The following DNAJA3 variants were observed in gnomAD, a reference collection of about 807,000 sequenced individuals.
The protein encoded by DNAJA3 is dnaJ homolog subfamily A member 3, mitochondrial.
DNAJA3 carries 29 observed loss-of-function variants against 54.9 expected under a neutral mutation model. The ratio of observed to expected loss-of-function variants is 0.53; its 90% CI spans 0.39 to 0.72. DNAJA3 has a LOEUF of 0.72. DNAJA3 is among the 30% of genes least tolerant of loss of function. DNAJA3 has a pLI of 0.00. For missense variants in DNAJA3, 708 were observed against 639.4 expected, an observed-to-expected ratio of 1.11 and a Z score of -1.16; for synonymous variants, 302 against 251.4, an observed-to-expected ratio of 1.20 and a Z score of -1.90.
rs143721729 is a variant in DNAJA3, at chr16:4,429,227, C to G, written c.211+3135C>G. On this transcript the variant is annotated intron_variant, in intron 1 of 11. Coordinates refer to ENST00000262375, the MANE Select transcript of DNAJA3 (RefSeq NM_005147.6). ...TGTTTGTTTGAGACGGAGTCTTGCT[C>G]TGTAGCCAGGCTGGAGTGCAGTGGT... 5.0e-3 allele frequency among the ~76,000 whole-genome samples: 728 copies of G among 144,190 alleles called. 4 individuals are homozygous for G. Among genetic ancestry groups the G allele is most frequent in the Admixed American group, 0.011 (163 of 14,338 alleles). The allele number at this position is 144,190 out of a possible 152,430, so 94.6% of individuals were successfully genotyped here. A position where few individuals can be genotyped will look rare whatever the true frequency, so the allele number is the denominator to read the frequency against.
chr16:4,436,993 C>G (rs1038861829), intron 2 of DNAJA3, among the ~76,000 whole-genome samples: 4 of 152,070 alleles, frequency 2.6e-5, no homozygotes, highest in African/African-American at 4.8e-5. Flanking sequence ...GTGGGGCGGA[C>G]AGAATCTCAC....
At chr16:4,450,706 G>T (rs942005549) in intron 10 of DNAJA3, among the ~76,000 whole-genome samples, 1 of 152,196 alleles carries the variant, frequency 6.6e-6, no homozygotes, top group African/African-American at 2.4e-5. Context: ...CTCTGTGTGT[G>T]TTTCTGTGCT....
At chr16:4,450,109 G>C (rs765652197) in intron 9 of DNAJA3, 1 of 330,582 alleles carries the variant, frequency 3.0e-6, no homozygotes, top group Non-Finnish European at 5.5e-6. Flanking sequence ...TTTCTTACTT[G>C]CTTCACATAC....
rs149535474 is a variant in DNAJA3, at chr16:4,448,457, C to T, written c.1126-276C>T. Among the ~76,000 whole-genome samples the T allele has an allele frequency of 8.0e-3, 1,219 of 152,240 alleles. 20 individuals are homozygous for T. Among genetic ancestry groups the T allele is most frequent in the African/African-American group, 0.028 (1,153 of 41,536 alleles). ...CTCCCGGGTTCAAGCAATTCTCCTA[C>T]CTCAGCCTCCTGAGTAGCTGAGATT... On this transcript the variant is annotated intron_variant, in intron 8 of 11. Coordinates refer to ENST00000262375, the MANE Select transcript of DNAJA3 (RefSeq NM_005147.6).
chr16:4,440,077 A>G (rs1034512995), intron 3 of DNAJA3, among the ~76,000 whole-genome samples: 1 of 151,944 alleles, frequency 6.6e-6, no homozygotes, highest in African/African-American at 2.4e-5. Flanking sequence ...AGCTGGAACT[A>G]TAGGCGTGCA....
intron 11 of DNAJA3, 70 bp from the exon 12 acceptor site, chr16:4,455,474 CAG>C: frequency 6.6e-7 from 1 of 1,524,734 alleles, no homozygotes; most frequent in South Asian, 1.2e-5. Flanking sequence ...CAGGGATTAA[CAG>C]ACGCTCCCCA....
In DNAJA3 at chr16:4,443,149, A is replaced by G; in HGVS notation, c.916A>G (p.Ile306Val). 1 of 1,613,922 alleles carries G rather than the reference A, an allele frequency of 6.2e-7. No individual in the cohort carries two copies. The highest frequency in any genetic ancestry group is 2.2e-5 in the East Asian group (1 of 44,858). The change falls in exon 6 of 12, where the codon ATC becomes GTC. Residue 306 changes from isoleucine to valine, a missense_variant. Physicochemically the swap from Ile to Val is conservative, Grantham distance 29. Transcript: ENST00000262375. ...AGCCAAGCAGAAAAAGCGAGTGATGATCCCTGTGCCTGCAGGTGGGTGCTT... is the reference window on the plus strand; with the variant it reads ...AGCCAAGCAGAAAAAGCGAGTGATGGTCCCTGTGCCTGCAGGTGGGTGCTT... Reference protein sequence around the residue: ...GQAKQKKRVMIPVPAGVEDGQ... With the variant: ...GQAKQKKRVMVPVPAGVEDGQ...
At chr16:4,444,462 G>A (rs569774934) in intron 6 of DNAJA3, among the ~76,000 whole-genome samples, 1 of 151,240 alleles carries the variant, frequency 6.6e-6, no homozygotes, top group East Asian at 2.0e-4. Flanking sequence ...TCTTTCCTCA[G>A]CCTCCTGAGT....
chr16:4,450,860 A>T (rs1312951785), intron 10 of DNAJA3, among the ~76,000 whole-genome samples: 2 of 152,308 alleles, frequency 1.3e-5, no homozygotes, highest in African/African-American at 4.8e-5. Context: ...GCGTAAGGAG[A>T]GAGCATGGAT....
At position 4,446,993 on chromosome 16, in the gene DNAJA3, G is replaced by C. The variant is rs147345131; in HGVS notation, c.1104G>C (p.Leu368=). The change falls in exon 8 of 12, where the codon CTG becomes CTC. Residue 368 remains leucine (L), a synonymous_variant. Coordinates refer to ENST00000262375, the MANE Select transcript of DNAJA3 (RefSeq NM_005147.6). ...LLGGTARAQG[L]YETINVTIPP... Reference sequence around the variant, plus strand: ...GGGGTACAGCCAGAGCCCAGGGCCTGTACGAGACGATCAACGTGACGGTAA... The same window carrying C: ...GGGGTACAGCCAGAGCCCAGGGCCTCTACGAGACGATCAACGTGACGGTAA... 4.3e-6 allele frequency: 7 copies of C among 1,613,924 alleles called. No homozygotes were observed. The highest frequency in any genetic ancestry group is 5.1e-6 in the Non-Finnish European group (6 of 1,179,986).
chr16:4,445,991 A>G (rs1456661043), intron 7 of DNAJA3, among the ~76,000 whole-genome samples: 1 of 143,744 alleles, frequency 7.0e-6, no homozygotes, highest in Non-Finnish European at 1.5e-5. Flanking sequence ...GCATGATCTC[A>G]GCTCACTGCA....
At chr16:4,430,732 A>C (rs2056687673) in intron 1 of DNAJA3, 1 of 151,982 alleles carries the variant, frequency 6.6e-6, no homozygotes, top group Non-Finnish European at 1.5e-5. Context: ...TTAATCATTG[A>C]TGCCCTATGG....
intron 3 of DNAJA3, among the ~76,000 whole-genome samples, chr16:4,438,225 G>C (rs1334035273): frequency 6.6e-6 from 1 of 152,064 alleles, no homozygotes; most frequent in Admixed American, 6.6e-5. Context: ...GCTGAGGCAG[G>C]AGAATGGCGT....
intron 1 of DNAJA3, chr16:4,430,466 G>C (rs1404858960): frequency 6.6e-6 from 1 of 151,504 alleles, no homozygotes; most frequent in Non-Finnish European, 1.5e-5. Flanking sequence ...GGGAGGCTGA[G>C]ACAGGAGAAT....
chr16:4,455,251 C>T (rs1388388469), intron 11 of DNAJA3, among the ~76,000 whole-genome samples: 2 of 152,130 alleles, frequency 1.3e-5, no homozygotes, highest in African/African-American at 2.4e-5. Context: ...TCACAGAGGG[C>T]GAGTCAGGCA....
chr16:4,443,453 C>T (rs1194172277), intron 6 of DNAJA3, among the ~76,000 whole-genome samples: 1 of 152,130 alleles, frequency 6.6e-6, no homozygotes, highest in African/African-American at 2.4e-5. Flanking sequence ...GAGGGAGCAG[C>T]TTCCAACCCC....
chr16:4,437,739 T>A lies in DNAJA3; in HGVS notation c.429+254T>A, dbSNP rs1392789487. ...TTGACCTCAGGAGTTGGCTTGACCC[T>A]AGGAGTTTGAGACCAGCTTGGGCAA... is the stretch of plus-strand genomic sequence containing the variant. On this transcript the variant is annotated intron_variant, in intron 3 of 11. Transcript: ENST00000262375. The A allele has an allele frequency of 8.0e-6, 3 of 375,168 alleles. No homozygotes were observed. In the East Asian group the frequency reaches 1.3e-4, roughly 16 times the overall value. 23.2% of individuals were successfully genotyped at this position (375,168 alleles called of 1,614,324 possible).
intron 2 of DNAJA3, among the ~76,000 whole-genome samples, chr16:4,435,709 C>G (rs1596362214): frequency 6.6e-6 from 1 of 152,178 alleles, no homozygotes; most frequent in Non-Finnish European, 1.5e-5. Flanking sequence ...GGATTAATCA[C>G]ATTTTGTTTA....
rs1246565988 is a variant in DNAJA3 at position 4,441,565 on chromosome 16, A to C, written c.620A>C (p.Gln207Pro). Residue 207 changes from glutamine to proline, a missense_variant, in exon 4 of 12, where the codon CAG (glutamine) becomes CCG (proline). Physicochemically the swap from Gln to Pro is moderately conservative, Grantham distance 76. Coordinates refer to ENST00000262375, the MANE Select transcript of DNAJA3 (RefSeq NM_005147.6). ...GGAGATTTCCAGACCGTGTTTGATC[A>C]GCCTCAGGAAGTAAGTTCCTCACTT... Reference protein sequence around the residue: ...SFGDFQTVFDQPQEYFMELTF... With the variant: ...SFGDFQTVFDPPQEYFMELTF... 6.2e-7 allele frequency: 1 copy of C among 1,613,762 alleles called. No homozygotes were observed. Among genetic ancestry groups the C allele is most frequent in the Non-Finnish European group, 8.5e-7 (1 of 1,179,934 alleles).
Sources: allele counts gnomAD v4.1 joint callset (sites outside exome capture counted in the v4.1 genomes callset), GRCh38; gene constraint gnomAD v4.1.1; transcripts MANE v1.5; gene names NCBI Gene and HGNC (gene_info 2026-07-23, HGNC 2026-07-21).